CLCN5: variants seen among roughly 807,000 people sequenced by gnomAD.
CLCN5 encodes H(+)/Cl(-) exchange transporter 5.
CLCN5 carries 17 observed loss-of-function variants against 54.0 expected under a neutral mutation model. That is an observed-to-expected ratio of 0.31 (90% CI 0.22 to 0.47). The LOEUF (loss-of-function observed/expected upper bound fraction) is 0.47, where lower values mean the gene tolerates loss of function less well. Ranked by LOEUF, CLCN5 falls within the 20% of genes least tolerant of loss-of-function variation. CLCN5 has a pLI of 1.00. For synonymous variants in CLCN5, 222 were observed against 233.0 expected (o/e 0.95, Z 0.43); for missense variants, 448 against 646.7 (o/e 0.69, Z 3.33).
intron 3 of CLCN5, among the ~76,000 whole-genome samples, chrX:49,999,881 C>T (rs1453981456): frequency 1.8e-5 from 2 of 111,574 alleles, no homozygotes; most frequent in East Asian, 2.8e-4. Context: ...GGTTGTGGAG[C>T]ATTGTTTGAA....
At position 49,965,136 on chromosome X, in the gene CLCN5, A is replaced by C. The variant is rs113008018; in HGVS notation, c.16+39822A>C. Among the ~76,000 whole-genome samples, 765 of 111,556 alleles carry C rather than the reference A, an allele frequency of 6.9e-3. 6 individuals are homozygous for C. Among genetic ancestry groups the C allele is most frequent in the African/African-American group, 0.023 (716 of 30,739 alleles). On this transcript the variant is annotated intron_variant, in intron 3 of 14. Coordinates refer to ENST00000376091, the MANE Select transcript of CLCN5 (RefSeq NM_001127898.4). ...GTGTCACTTCAGCTTACTCCTCCTCAGCTTAAAATCAGGAGCATCAGAGTA... is the reference window on the plus strand; with the variant it reads ...GTGTCACTTCAGCTTACTCCTCCTCCGCTTAAAATCAGGAGCATCAGAGTA...
intron 3 of CLCN5, among the ~76,000 whole-genome samples, chrX:49,930,131 A>G (rs1925569579): frequency 8.9e-6 from 1 of 111,771 alleles, no homozygotes; most frequent in Non-Finnish European, 1.9e-5. Flanking sequence ...GCCAGTAAAC[A>G]TGTATCTCAG....
At chrX:50,074,149 G>A (rs187076645) in intron 6 of CLCN5, among the ~76,000 whole-genome samples, 111 of 112,019 alleles carry the variant, frequency 9.9e-4, no homozygotes, top group African/African-American at 3.2e-3. Flanking sequence ...AAATCTATTC[G>A]GTTTGTGCAA....
chrX:49,935,019 G>A (rs1329129708), intron 3 of CLCN5, among the ~76,000 whole-genome samples: 1 of 111,770 alleles, frequency 8.9e-6, no homozygotes, highest in Non-Finnish European at 1.9e-5. Context: ...AGACAGGTAG[G>A]CAAGAGAGTT....
At chrX:49,952,962 C>T (rs950206498) in intron 3 of CLCN5, among the ~76,000 whole-genome samples, 2 of 107,234 alleles carry the variant, frequency 1.9e-5, no homozygotes, top group Non-Finnish European at 3.9e-5. Flanking sequence ...CTCGGCTCAC[C>T]GCAACCTCCG....
chrX:50,027,465 C>T (rs1020103431), intron 3 of CLCN5, among the ~76,000 whole-genome samples: 26 of 111,902 alleles, frequency 2.3e-4, no homozygotes, highest in Admixed American at 2.0e-3. Flanking sequence ...TTCCAGCTTG[C>T]TCATTCTTTC....
intron 4 of CLCN5, among the ~76,000 whole-genome samples, chrX:50,053,836 C>A (rs1265115388): frequency 1.8e-5 from 2 of 111,059 alleles, no homozygotes; most frequent in Admixed American, 1.9e-4. Context: ...CTGTTATTGG[C>A]TTCTATTAAT....
At chrX:49,954,347 A>G (rs1927206503) in intron 3 of CLCN5, among the ~76,000 whole-genome samples, 1 of 111,299 alleles carries the variant, frequency 9.0e-6, no homozygotes, top group African/African-American at 3.3e-5. Context: ...ATGAGATTTT[A>G]AGATTTTTTT....
intron 3 of CLCN5, among the ~76,000 whole-genome samples, chrX:49,941,731 A>C (rs1483601003): frequency 9.1e-6 from 1 of 110,245 alleles, no homozygotes; most frequent in African/African-American, 3.3e-5. Context: ...AAATATCTCA[A>C]AAGTTGCATT....
chrX:49,945,373 C>T (rs1926640930), intron 3 of CLCN5: 1 of 111,257 alleles, frequency 9.0e-6, no homozygotes, highest in African/African-American at 3.3e-5. Flanking sequence ...CATGTCATCC[C>T]TGTGCAGGGA....
chrX:49,927,637 A>G (rs781862136), intron 3 of CLCN5, among the ~76,000 whole-genome samples: 1 of 112,219 alleles, frequency 8.9e-6, no homozygotes, highest in South Asian at 3.7e-4. Context: ...AGATAGTAAT[A>G]TAACTCATCC....
intron 3 of CLCN5, among the ~76,000 whole-genome samples, chrX:50,032,044 T>C (rs782756362): frequency 0.016 from 1,786 of 109,751 alleles, 14 homozygotes; most frequent in Middle Eastern, 0.038. Context: ...ACAAAGAACA[T>C]GAACTCATCA....
chrX:50,043,524 A>T (rs1557187457), intron 4 of CLCN5, among the ~76,000 whole-genome samples: 1 of 112,000 alleles, frequency 8.9e-6, no homozygotes, highest in Non-Finnish European at 1.9e-5. Context: ...TCATTTATTT[A>T]ATTAATGAGG....
At chrX:49,923,010 C>T (rs1289862807) in intron 1 of CLCN5, among the ~76,000 whole-genome samples, 1 of 113,116 alleles carries the variant, frequency 8.8e-6, no homozygotes, top group African/African-American at 3.2e-5. Flanking sequence ...GCGGCGTCTT[C>T]CCGGGAGCCC....
At chrX:50,006,871 A>G (rs1930173355) in intron 3 of CLCN5, among the ~76,000 whole-genome samples, 1 of 111,837 alleles carries the variant, frequency 8.9e-6, no homozygotes, top group African/African-American at 3.3e-5. Flanking sequence ...CTGCCTAGCT[A>G]GCACATATAG....
intron 4 of CLCN5, among the ~76,000 whole-genome samples, chrX:50,051,677 C>A (rs1479703323): frequency 9.0e-6 from 1 of 111,705 alleles, no homozygotes; most frequent in Non-Finnish European, 1.9e-5. Context: ...TCTTTAGTTT[C>A]TTTAATCAGT....
intron 4 of CLCN5, among the ~76,000 whole-genome samples, chrX:50,043,064 G>A (rs1283408499): frequency 9.0e-6 from 1 of 111,702 alleles, no homozygotes; most frequent in Admixed American, 9.6e-5. Flanking sequence ...TTTCCTTAAT[G>A]GCTAATGACG....
intron 3 of CLCN5, among the ~76,000 whole-genome samples, chrX:50,027,640 C>T (rs906130864): frequency 4.5e-5 from 5 of 111,152 alleles, no homozygotes; most frequent in Non-Finnish European, 9.4e-5. Context: ...CCATTAGGGC[C>T]TTTAGCATAT....
At chrX:50,008,961 C>T in intron 3 of CLCN5, 3 of 386,116 alleles carry the variant, frequency 7.8e-6, no homozygotes, top group Non-Finnish European at 1.0e-5. Context: ...GTCTGCTCCC[C>T]CTCTTGAATC....
Sources: gnomAD v4.1 joint callset for allele counts (sites outside exome capture counted in the v4.1 genomes callset) on GRCh38, gnomAD v4.1.1 for gene constraint, MANE v1.5 for transcripts, NCBI Gene and HGNC (gene_info 2026-07-23, HGNC 2026-07-21) for gene names.